Variants in PPFIBP1 observed in about 807,000 individuals in gnomAD.
The protein encoded by PPFIBP1 is PPFIB scaffold protein 1.
Under a neutral mutation model 137.8 loss-of-function variants are expected in PPFIBP1, and 112 were observed. That is an observed-to-expected ratio of 0.81 (90% CI 0.70 to 0.95). The LOEUF is 0.95. Among genes scored for constraint, PPFIBP1 ranks in the 40% least tolerant of loss-of-function variants. The pLI is 0.00. For missense variants in PPFIBP1, 1,083 were observed against 1,196.6 expected, an observed-to-expected ratio of 0.91 and a Z score of 1.40; for synonymous variants, 378 against 417.3, an observed-to-expected ratio of 0.91 and a Z score of 1.15.
In PPFIBP1 at chr12:27,693,027, G is replaced by A; in HGVS notation, c.*145G>A. 2 of 1,327,218 alleles carry A rather than the reference G, an allele frequency of 1.5e-6. 1 individual carries two copies. The highest frequency in any genetic ancestry group is 3.5e-5 in the South Asian group (2 of 57,790). The allele number at this position is 1,327,218 out of a possible 1,614,324, so 82.2% of individuals were successfully genotyped here. On this transcript the variant is annotated 3_prime_UTR_variant, in exon 30 of 30. Transcript: ENST00000228425. ...GTCGAGAAGTTTAAACAGAAAGCAG[G>A]AGTAATGTGCCGATTCTGAAGTTGC...
intron 1 of PPFIBP1, chr12:27,548,220 G>A (rs555404704): frequency 3.9e-5 from 6 of 152,256 alleles, no homozygotes; most frequent in African/African-American, 9.6e-5. Flanking sequence ...ATTACTGCAC[G>A]TTCAGAATAT....
intron 2 of PPFIBP1, among the ~76,000 whole-genome samples, chr12:27,603,982 C>G (rs1363137367): frequency 1.3e-5 from 2 of 152,146 alleles, no homozygotes; most frequent in East Asian, 1.9e-4. Flanking sequence ...AAGTACAGAT[C>G]AAAGAGCAGA....
chr12:27,645,968 G>A, intron 4 of PPFIBP1, 94 bp from the exon 5 acceptor site: 1 of 890,046 alleles, frequency 1.1e-6, no homozygotes, highest in Non-Finnish European at 1.8e-6. Context: ...TTCAATTCAG[G>A]CCCCTTGGAC....
At chr12:27,539,517 G>A (rs1466292769) in intron 1 of PPFIBP1, among the ~76,000 whole-genome samples, 1 of 152,158 alleles carries the variant, frequency 6.6e-6, no homozygotes, top group Admixed American at 6.5e-5. Flanking sequence ...TTTGATACGT[G>A]AGACATGAAA....
chr12:27,541,081 A>ATACTAAAATGAACCCT (rs1284034616), intron 1 of PPFIBP1, among the ~76,000 whole-genome samples: 1 of 152,124 alleles, frequency 6.6e-6, no homozygotes, highest in African/African-American at 2.4e-5. Flanking sequence ...TCCTCTGTCT[A>ATACTAAAATGAACCCT]TACTAAAATG....
At chr12:27,553,704 T>C (rs539911901) in intron 1 of PPFIBP1, among the ~76,000 whole-genome samples, 1 of 152,318 alleles carries the variant, frequency 6.6e-6, no homozygotes, top group Admixed American at 6.5e-5. Flanking sequence ...ATTCATACCA[T>C]TCATGTGGCC....
At chr12:27,688,780 T>C (rs894106472) in intron 26 of PPFIBP1, among the ~76,000 whole-genome samples, 1 of 152,144 alleles carries the variant, frequency 6.6e-6, no homozygotes, top group African/African-American at 2.4e-5. Context: ...AGCACTGATA[T>C]TGGGATGCCT....
In PPFIBP1 at chr12:27,600,432, G is replaced by A. The variant is rs574759067; in HGVS notation, c.-36+22193G>A. 1.2e-3 allele frequency among the ~76,000 whole-genome samples: 168 copies of A among 141,496 alleles called. 1 individual carries two copies. Among genetic ancestry groups the A allele is most frequent in the African/African-American group, 4.0e-3 (153 of 38,564 alleles). The allele number at this position is 141,496 out of a possible 152,430, so 92.8% of individuals were successfully genotyped here. A position where few individuals can be genotyped will look rare whatever the true frequency, so the allele number is the denominator to read the frequency against. ...GCCTGGGCAACAAGAGCGAAACTCC[G>A]TCTCAAAAAAAAAAAAAAATAGTTA... On this transcript the variant is annotated intron_variant, in intron 2 of 29. Coordinates refer to ENST00000228425, the MANE Select transcript of PPFIBP1 (RefSeq NM_003622.4).
chr12:27,666,456 A>G (rs371523010), intron 12 of PPFIBP1, among the ~76,000 whole-genome samples: 1 of 152,172 alleles, frequency 6.6e-6, no homozygotes, highest in African/African-American at 2.4e-5. Context: ...ATGATTTACC[A>G]TGTCATATTA....
At chr12:27,619,136 C>T (rs1446831732) in intron 2 of PPFIBP1, among the ~76,000 whole-genome samples, 4 of 151,988 alleles carry the variant, frequency 2.6e-5, no homozygotes, top group Non-Finnish European at 5.9e-5. Context: ...CCAGGCACAG[C>T]CGTCACTGGG....
Position 27,668,442 on chromosome 12 carries a change from A to G in PPFIBP1, c.1146+1122A>G, listed in dbSNP as rs147476945. 2.4e-4 allele frequency among the ~76,000 whole-genome samples: 37 copies of G among 152,288 alleles called. No individual in the cohort carries two copies. In the East Asian group the frequency reaches 2.9e-3, roughly 12 times the overall value. The stretch of plus-strand genomic sequence containing the variant: ...GTCACCAGTCCATAGCAATTCCAAA[A>G]TCCAGCCAGGCACATGTTGCCAATC... On this transcript the variant is annotated intron_variant, in intron 13 of 29. Coordinates refer to ENST00000228425, the MANE Select transcript of PPFIBP1 (RefSeq NM_003622.4).
intron 1 of PPFIBP1, among the ~76,000 whole-genome samples, chr12:27,559,516 G>A (rs563756040): frequency 2.0e-5 from 3 of 152,278 alleles, no homozygotes; most frequent in East Asian, 3.9e-4. Flanking sequence ...ATTCTCATCA[G>A]TGCTAAATAC....
chr12:27,582,803 A>G (rs1442703911), intron 2 of PPFIBP1, among the ~76,000 whole-genome samples: 1 of 152,208 alleles, frequency 6.6e-6, no homozygotes, highest in Non-Finnish European at 1.5e-5. Flanking sequence ...AATAGCCCTG[A>G]GAGTTTCTTG....
chr12:27,599,479 C>G (rs745679378), intron 2 of PPFIBP1: 7 of 455,852 alleles, frequency 1.5e-5, no homozygotes, highest in Non-Finnish European at 2.2e-5. Context: ...TACATAAATG[C>G]GTGAGCCAAT....
At chr12:27,678,880 A>C (rs12316289) in intron 19 of PPFIBP1, among the ~76,000 whole-genome samples, 6,861 of 136,704 alleles carry the variant, frequency 0.05, 450 homozygotes, top group African/African-American at 0.13. Context: ...AAAAAAAAAA[A>C]ACATTTAAGA....
At chr12:27,672,697 G>A (rs1593287384) in intron 15 of PPFIBP1, among the ~76,000 whole-genome samples, 1 of 152,114 alleles carries the variant, frequency 6.6e-6, no homozygotes, top group Admixed American at 6.5e-5. Flanking sequence ...TCATGCCAGG[G>A]TTTTGCAGAT....
chr12:27,677,349 G>A (rs1028890227), intron 19 of PPFIBP1: 8 of 556,526 alleles, frequency 1.4e-5, no homozygotes, highest in African/African-American at 3.8e-5. Context: ...CTAGACGTGT[G>A]CAGCATCCCT....
chr12:27,553,670 G>A (rs1365212620), intron 1 of PPFIBP1, among the ~76,000 whole-genome samples: 1 of 152,204 alleles, frequency 6.6e-6, no homozygotes, highest in Non-Finnish European at 1.5e-5. Context: ...CGGGGACTCA[G>A]CATTCACAAC....
intron 24 of PPFIBP1, among the ~76,000 whole-genome samples, chr12:27,686,899 G>A (rs1032114179): frequency 6.6e-6 from 1 of 151,582 alleles, no homozygotes; most frequent in Non-Finnish European, 1.5e-5. Context: ...AAAAAAGAAA[G>A]CCAACTCTTG....
Sources: allele counts gnomAD v4.1 joint callset (sites outside exome capture counted in the v4.1 genomes callset), GRCh38; gene constraint gnomAD v4.1.1; transcripts MANE v1.5; gene names NCBI Gene and HGNC (gene_info 2026-07-23, HGNC 2026-07-21).